CEP170: variants seen among roughly 807,000 people sequenced by gnomAD.
CEP170 encodes centrosomal protein of 170 kDa.
A neutral mutation model predicts 151.9 loss-of-function variants in CEP170; 21 were observed. The observed-to-expected ratio is 0.14, with a 90% CI of 0.10 to 0.20. CEP170 has a LOEUF of 0.20. Among genes scored for constraint, CEP170 ranks in the 10% least tolerant of loss-of-function variants. The pLI, the probability that CEP170 is intolerant of heterozygous loss-of-function variation, is 1.00. For synonymous variants in CEP170, 356 were observed against 648.8 expected, an observed-to-expected ratio of 0.55 and a Z score of 6.86; for missense variants, 964 against 1,892.9, an observed-to-expected ratio of 0.51 and a Z score of 9.11.
At chr1:243,136,420 A>C in intron 16 of CEP170, 189 bp from the exon 17 acceptor site, 1 of 709,498 alleles carries the variant, frequency 1.4e-6, no homozygotes, top group Middle Eastern at 4.2e-4. Flanking sequence ...CTATTAACAA[A>C]GGAGTTCTTA....
intron 14 of CEP170, among the ~76,000 whole-genome samples, chr1:243,149,886 A>C (rs992077191): frequency 3.9e-5 from 6 of 152,080 alleles, no homozygotes; most frequent in Non-Finnish European, 7.4e-5. Context: ...TAATGTAGTA[A>C]AATTACAAGT....
intron 17 of CEP170, among the ~76,000 whole-genome samples, chr1:243,130,818 A>G (rs2054303731): frequency 6.6e-6 from 1 of 151,458 alleles, no homozygotes; most frequent in Admixed American, 6.6e-5. Flanking sequence ...AGAATCTGGT[A>G]TAAGAATATT....
intron 16 of CEP170, among the ~76,000 whole-genome samples, chr1:243,137,887 T>C (rs2148271440): frequency 6.6e-6 from 1 of 152,014 alleles, no homozygotes; most frequent in African/African-American, 2.4e-5. Flanking sequence ...ATGACAAGGA[T>C]TTGAATTTAG....
At chr1:243,202,953 CT>C (rs1224211094) in intron 4 of CEP170, among the ~76,000 whole-genome samples, 1 of 152,158 alleles carries the variant, frequency 6.6e-6, no homozygotes, top group Non-Finnish European at 1.5e-5. Flanking sequence ...GGGGTATCCT[CT>C]TTAAACCTAG....
At chr1:243,159,102 G>A (rs1438369363) in intron 13 of CEP170, among the ~76,000 whole-genome samples, 5 of 151,940 alleles carry the variant, frequency 3.3e-5, no homozygotes, top group Admixed American at 6.6e-5. Context: ...AAAATCAAAC[G>A]AATACAGCAT....
chr1:243,229,391 G>A (rs954727437), intron 1 of CEP170, among the ~76,000 whole-genome samples: 7 of 151,742 alleles, frequency 4.6e-5, no homozygotes, highest in Admixed American at 1.3e-4. Flanking sequence ...TATACATTAC[G>A]TTTCGGCATT....
At chr1:243,230,573 A>G (rs2063656379) in intron 1 of CEP170, among the ~76,000 whole-genome samples, 1 of 152,230 alleles carries the variant, frequency 6.6e-6, no homozygotes, top group Non-Finnish European at 1.5e-5. Flanking sequence ...AAACGGAACC[A>G]AACATATTCT....
chr1:243,223,027 G>A (rs1281815414), intron 2 of CEP170, among the ~76,000 whole-genome samples: 1 of 152,140 alleles, frequency 6.6e-6, no homozygotes, highest in Non-Finnish European at 1.5e-5. Context: ...TATTCATCTG[G>A]TTAAACTAAT....
intron 3 of CEP170, among the ~76,000 whole-genome samples, chr1:243,221,229 T>G (rs1320841871): frequency 6.6e-6 from 1 of 152,202 alleles, no homozygotes; most frequent in East Asian, 1.9e-4. Flanking sequence ...TTCACCGTGT[T>G]AGCCAGGATG....
chr1:243,211,055 A>G (rs1029202089), intron 4 of CEP170, among the ~76,000 whole-genome samples: 6 of 151,664 alleles, frequency 4.0e-5, no homozygotes, highest in African/African-American at 1.5e-4. Context: ...TGCTTAATAC[A>G]TTCTTTATTA....
At chr1:243,247,866 C>T (rs1480715521) in intron 1 of CEP170, among the ~76,000 whole-genome samples, 12 of 152,146 alleles carry the variant, frequency 7.9e-5, no homozygotes, top group Admixed American at 7.9e-4. Context: ...GAAGGAGACC[C>T]CTATCTGCAA....
At chr1:243,222,712 A>G (rs1000949756) in intron 2 of CEP170, among the ~76,000 whole-genome samples, 2 of 152,330 alleles carry the variant, frequency 1.3e-5, no homozygotes, top group South Asian at 4.1e-4. Context: ...CATCGCTCCC[A>G]TCTTCATAAT....
chr1:243,136,312 A>C (rs532686423), intron 16 of CEP170, 81 bp from the exon 17 acceptor site: 1 of 942,354 alleles, frequency 1.1e-6, no homozygotes, highest in East Asian at 2.7e-5. Context: ...GTCACAAGTC[A>C]CTATAGTTAG....
chr1:243,158,821 C>T (rs918671804), intron 13 of CEP170, among the ~76,000 whole-genome samples: 1 of 152,084 alleles, frequency 6.6e-6, no homozygotes, highest in African/African-American at 2.4e-5. Context: ...GTAATCCCAG[C>T]ACTTTGGGAG....
In CEP170 at chr1:243,182,113, AT is replaced by A. The variant is rs371732209; in HGVS notation, c.1566+3665del. On this transcript the variant is annotated intron_variant, in intron 10 of 19. Coordinates refer to ENST00000366542, the MANE Select transcript of CEP170 (RefSeq NM_014812.3). The stretch of plus-strand genomic sequence containing the variant: ...TGCTATCTTGTGAGTTCTTGTTCTT[AT>A]GGGAATGGATTTGTTCCCTTCACAG... Among the ~76,000 whole-genome samples the A allele has an allele frequency of 3.4e-3, 511 of 152,124 alleles. 6 individuals are homozygous for A. Among genetic ancestry groups the A allele is most frequent in the South Asian group, 0.012 (56 of 4,826 alleles).
chr1:243,244,374 C>T (rs2065158481), intron 1 of CEP170, among the ~76,000 whole-genome samples: 1 of 152,064 alleles, frequency 6.6e-6, no homozygotes, highest in African/African-American at 2.4e-5. Context: ...CACACACACA[C>T]ACACACCCTC....
At chr1:243,167,323 C>G (rs1204726200) in intron 12 of CEP170, among the ~76,000 whole-genome samples, 1 of 151,714 alleles carries the variant, frequency 6.6e-6, no homozygotes, top group Non-Finnish European at 1.5e-5. Context: ...TATGTAACAG[C>G]AGACTTTTCA....
intron 12 of CEP170, chr1:243,168,473 T>C (rs1445952513): frequency 1.2e-4 from 18 of 152,042 alleles, no homozygotes; most frequent in Admixed American, 1.2e-3. Flanking sequence ...TGACAATTTA[T>C]ATTTGTATAT....
intron 1 of CEP170, among the ~76,000 whole-genome samples, chr1:243,234,977 C>A (rs1186994053): frequency 6.6e-6 from 1 of 152,110 alleles, no homozygotes; most frequent in African/African-American, 2.4e-5. Context: ...AAAAATTCTT[C>A]AAGTTCGAGA....
Sources: gnomAD v4.1 joint callset for allele counts (sites outside exome capture counted in the v4.1 genomes callset) on GRCh38, gnomAD v4.1.1 for gene constraint, MANE v1.5 for transcripts, NCBI Gene and HGNC (gene_info 2026-07-23, HGNC 2026-07-21) for gene names.